The following CEP85L variants were observed in gnomAD, a reference collection of about 807,000 sequenced individuals.
CEP85L encodes the protein centrosomal protein of 85 kDa-like.
CEP85L carries 60 observed loss-of-function variants against 100.3 expected under a neutral mutation model. That is an observed-to-expected ratio of 0.60 (90% confidence interval 0.49 to 0.74). CEP85L has a LOEUF of 0.74. Ranked by LOEUF, CEP85L falls within the 30% of genes least tolerant of loss-of-function variation. The pLI, the probability that CEP85L is intolerant of heterozygous loss-of-function variation, is 0.00. For missense variants in CEP85L, 973 were observed against 936.2 expected (o/e 1.04, Z -0.51); for synonymous variants, 319 against 322.7 (o/e 0.99, Z 0.12).
intron 2 of CEP85L, among the ~76,000 whole-genome samples, chr6:118,626,072 C>G (rs1010175882): frequency 6.6e-6 from 1 of 152,166 alleles, no homozygotes; most frequent in Non-Finnish European, 1.5e-5. Context: ...CAGTTCCCAA[C>G]AGCAGTTGGG....
At chr6:118,595,283 G>GTCA (rs1781407357) in intron 2 of CEP85L, among the ~76,000 whole-genome samples, 3 of 91,476 alleles carry the variant, frequency 3.3e-5, no homozygotes, top group Admixed American at 2.8e-4. Flanking sequence ...CCTCATTGTC[G>GTCA]TAGATCTATT....
At chr6:118,592,160 C>T (rs755424681) in intron 2 of CEP85L, among the ~76,000 whole-genome samples, 62 of 152,254 alleles carry the variant, frequency 4.1e-4, no homozygotes, top group African/African-American at 7.5e-4. Context: ...TATTATCCTA[C>T]ACTATATCTC....
intron 1 of CEP85L, among the ~76,000 whole-genome samples, chr6:118,707,813 A>G (rs1777644532): frequency 6.6e-6 from 1 of 152,232 alleles, no homozygotes. Flanking sequence ...GCAAATCTGA[A>G]CCAATGAACA....
chr6:118,683,273 T>C (rs1776727023), intron 1 of CEP85L, among the ~76,000 whole-genome samples: 1 of 152,216 alleles, frequency 6.6e-6, no homozygotes, highest in Admixed American at 6.5e-5. Context: ...TCAGACAGCT[T>C]TCTTTTGGGG....
chr6:118,600,931 C>A (rs1335869291), intron 2 of CEP85L, among the ~76,000 whole-genome samples: 1 of 152,064 alleles, frequency 6.6e-6, no homozygotes, highest in Admixed American at 6.5e-5. Context: ...ATATAGCTAT[C>A]TAATTAGTTT....
intron 3 of CEP85L, among the ~76,000 whole-genome samples, chr6:118,527,566 G>A (rs762646874): frequency 1.3e-5 from 2 of 152,026 alleles, no homozygotes; most frequent in Non-Finnish European, 2.9e-5. Flanking sequence ...ATGAAACTCC[G>A]CATTACCTAC....
rs960323800 is a variant in CEP85L at position 118,491,774 on chromosome 6, G to A, written c.1349C>T (p.Ser450Phe). The change falls in exon 6 of 13, where the codon TCT becomes TTT. Residue 450 changes from serine (S) to phenylalanine (F), a missense_variant. By Grantham distance (155) the Ser-to-Phe change is radical. Around this residue, in one of 3 missense-constraint regions of CEP85L, gnomAD observed 890 missense variants for 844.5 expected, o/e 1.05. Coordinates refer to ENST00000368491, the MANE Select transcript of CEP85L (RefSeq NM_001042475.3). ...AAGCTGTAAAACTTCTTTCTCAGTA[G>A]ATGCAAGCTTTTGCTCAAATTCCCC... ...QQGEFEQKLASTEKEVLQLNE... is the reference protein window; with the variant it reads ...QQGEFEQKLAFTEKEVLQLNE... 4 of 1,612,986 alleles carry A rather than the reference G, an allele frequency of 2.5e-6. No individual in the cohort carries two copies. Among genetic ancestry groups the A allele is most frequent in the Non-Finnish European group, 3.4e-6 (4 of 1,179,414 alleles).
chr6:118,684,764 A>C (rs1182997186), intron 1 of CEP85L, among the ~76,000 whole-genome samples: 1 of 152,174 alleles, frequency 6.6e-6, no homozygotes, highest in Non-Finnish European at 1.5e-5. Flanking sequence ...CTCACATAAC[A>C]AGGCATTTTG....
chr6:118,472,567 T>C (rs1157775115), intron 10 of CEP85L, among the ~76,000 whole-genome samples: 1 of 152,020 alleles, frequency 6.6e-6, no homozygotes, highest in Non-Finnish European at 1.5e-5. Context: ...CAAGAAAAAT[T>C]CTATCAAGAA....
At chr6:118,651,962 A>G, upstream of CEP85L, 2 of 975,456 alleles carry the variant, frequency 2.1e-6, no homozygotes, top group Non-Finnish European at 2.4e-6. Flanking sequence ...TGAAAAAGCC[A>G]AGCCAGGGCG....
At chr6:118,635,117 T>A (rs1346882698) in intron 1 of CEP85L, among the ~76,000 whole-genome samples, 1 of 152,224 alleles carries the variant, frequency 6.6e-6, no homozygotes, top group African/African-American at 2.4e-5. Context: ...AATATAGACA[T>A]GACCTTCTAC....
chr6:118,598,653 T>C (rs1430662842), intron 2 of CEP85L, among the ~76,000 whole-genome samples: 2 of 152,194 alleles, frequency 1.3e-5, no homozygotes, highest in Admixed American at 1.3e-4. Context: ...GGAAGAATTC[T>C]TCCCTAGACC....
At chr6:118,569,283 A>G (rs935562100) in intron 2 of CEP85L, among the ~76,000 whole-genome samples, 2 of 139,580 alleles carry the variant, frequency 1.4e-5, no homozygotes, top group Admixed American at 1.6e-4. Flanking sequence ...CGGAGGCTGC[A>G]GTAAGCAGAG....
At chr6:118,515,020 AG>A (rs1776191120) in intron 4 of CEP85L, among the ~76,000 whole-genome samples, 1 of 151,538 alleles carries the variant, frequency 6.6e-6, no homozygotes, top group African/African-American at 2.4e-5. Flanking sequence ...TATGTTGCCC[AG>A]GCTGGTCTCA....
At chr6:118,518,527 TATA>T (rs1207871515) in intron 4 of CEP85L, among the ~76,000 whole-genome samples, 8 of 152,366 alleles carry the variant, frequency 5.3e-5, no homozygotes, top group African/African-American at 1.9e-4. Flanking sequence ...TAAAGGTGTT[TATA>T]ATATTCTCTG....
chr6:118,481,886 T>C lies in CEP85L; in HGVS notation c.1638A>G (p.Ile546Met). 6.3e-7 allele frequency: 1 copy of C among 1,584,604 alleles called. No homozygotes were observed. Among genetic ancestry groups the C allele is most frequent in the Non-Finnish European group, 8.6e-7 (1 of 1,164,210 alleles). The change falls in exon 8 of 13, where the codon ATA (isoleucine) becomes ATG (methionine). Residue 546 changes from isoleucine (I) to methionine (M), a missense_variant. By Grantham distance (10) the Ile-to-Met change is conservative. Around this residue, in one of 3 missense-constraint regions of CEP85L, gnomAD observed 890 missense variants for 844.5 expected, o/e 1.05. Transcript: ENST00000368491. ...EKNKNLQEAL[I>M]DTEKKLEEIK... ...TCTCTTCAAGTTTTTTTTCTGTATC[T>C]ATCAAAGCCTCTTGTAAATTCTTAT...
At position 118,600,361 on chromosome 6, in the gene CEP85L, GT is replaced by G. The variant is rs1562298085; in HGVS notation, c.232+32091del. 1.4e-3 allele frequency among the ~76,000 whole-genome samples: 193 copies of G among 137,576 alleles called. 42 individuals carry two copies. The highest frequency in any genetic ancestry group is 4.4e-3 in the South Asian group (18 of 4,092). The allele number at this position is 137,576 out of a possible 152,430, so 90.3% of individuals were successfully genotyped here. ...TGTGTGTGTGTGTGTGTGTGTGTGT[GT>G]GTGTGTGTAACGCCATGGAGCAATC... is the stretch of plus-strand genomic sequence containing the variant. On this transcript the variant is annotated intron_variant, in intron 2 of 12. Transcript: ENST00000368491.
chr6:118,691,398 C>T (rs189976818), intron 1 of CEP85L, among the ~76,000 whole-genome samples: 14 of 151,762 alleles, frequency 9.2e-5, no homozygotes, highest in East Asian at 3.9e-4. Context: ...CCAGATGTGG[C>T]GGTGCATGCC....
At chr6:118,708,120 T>C (rs1470707036) in intron 1 of CEP85L, among the ~76,000 whole-genome samples, 4 of 152,204 alleles carry the variant, frequency 2.6e-5, no homozygotes, top group Non-Finnish European at 5.9e-5. Flanking sequence ...AAAGATATCT[T>C]TGGGAATATT....
Sources: gnomAD v4.1 joint callset for allele counts (sites outside exome capture counted in the v4.1 genomes callset) on GRCh38, gnomAD v4.1.1 for gene constraint, gnomAD v4.1.1 regional missense constraint, MANE v1.5 for transcripts, NCBI Gene and HGNC (gene_info 2026-07-23, HGNC 2026-07-21) for gene names.